SLC22A2: variants seen among roughly 807,000 people sequenced by gnomAD.
The protein encoded by SLC22A2 is solute carrier family 22 member 2.
A neutral mutation model predicts 60.5 loss-of-function variants in SLC22A2; 46 were observed. That is an observed-to-expected ratio of 0.76 (90% confidence interval 0.60 to 0.97). The LOEUF is 0.97. Among genes scored for constraint, SLC22A2 ranks in the 50% least tolerant of loss-of-function variants. The pLI is 0.00. For missense variants in SLC22A2, 701 were observed against 706.6 expected (o/e 0.99, Z 0.09); for synonymous variants, 303 against 267.0 (o/e 1.13, Z -1.31).
intron 1 of SLC22A2, 80 bp downstream of exon 1, chr6:160,258,264 G>T: frequency 6.8e-7 from 1 of 1,470,988 alleles, no homozygotes; most frequent in Non-Finnish European, 9.1e-7. Flanking sequence ...GTTTATAAGA[G>T]CCGGGCCTTC....
chr6:160,218,199 C>A (rs1245834534), intron 10 of SLC22A2: 10 of 249,872 alleles, frequency 4.0e-5, no homozygotes, highest in Non-Finnish European at 5.6e-5. Context: ...CAGAAGCTTA[C>A]CCAAATCACC....
intron 8 of SLC22A2, 57 bp downstream of exon 8, chr6:160,242,230 GGTGGTTC>G (rs764295067): frequency 2.1e-4 from 188 of 883,846 alleles, no homozygotes; most frequent in African/African-American, 1.3e-3. Context: ...CTGCACTTGT[GGTGGTTC>G]CAGCCAATGA....
chr6:160,241,532 C>A lies in SLC22A2; in HGVS notation c.1443G>T (p.Thr481=), dbSNP rs530891966. The A allele has an allele frequency of 5.0e-6, 8 of 1,613,518 alleles. No homozygotes were observed. Among genetic ancestry groups the A allele is most frequent in the Non-Finnish European group, 5.9e-6 (7 of 1,179,696 alleles). Residue 481 remains threonine (T), a synonymous_variant, in exon 9 of 11, where the codon ACG becomes ACT. Transcript: ENST00000366953. ...SSMCDIGGII[T]PFLVYRLTNI... ...TAGTGAGCCGGTAGACCAGGAATGG[C>A]GTGATGATGCCACCAATGTCACACA...
chr6:160,244,449 A>G (rs1238010619), intron 6 of SLC22A2: 1 of 152,220 alleles, frequency 6.6e-6, no homozygotes, highest in Non-Finnish European at 1.5e-5. Context: ...TCTTTGGGGT[A>G]TTCTAGTGCA....
chr6:160,245,629 C>CT, intron 5 of SLC22A2, 84 bp from the exon 6 acceptor site: 1 of 563,384 alleles, frequency 1.8e-6, no homozygotes, highest in Non-Finnish European at 2.8e-6. Flanking sequence ...TAATTTCTTA[C>CT]CGTCCTGAGC....
At chr6:160,233,228 G>C (rs1451747749) in intron 9 of SLC22A2, among the ~76,000 whole-genome samples, 2 of 151,924 alleles carry the variant, frequency 1.3e-5, no homozygotes, top group African/African-American at 4.9e-5. Context: ...GATGGGTAGA[G>C]GCCTTTTCCA....
At chr6:160,257,924 TCA>T (rs1315203914) in intron 1 of SLC22A2, 1 of 165,472 alleles carries the variant, frequency 6.0e-6, no homozygotes, top group African/African-American at 2.4e-5. Context: ...GCACATCCTA[TCA>T]CACAGTCAGG....
intron 9 of SLC22A2, among the ~76,000 whole-genome samples, chr6:160,234,568 G>T (rs1263262695): frequency 6.6e-6 from 1 of 152,076 alleles, no homozygotes; most frequent in Admixed American, 6.6e-5. Context: ...CAGGGTAACT[G>T]TCTGCTCTTT....
chr6:160,241,498 G>C lies in SLC22A2; in HGVS notation c.1477C>G (p.Leu493Val), dbSNP rs760282403. 3.1e-6 allele frequency: 5 copies of C among 1,612,930 alleles called. No homozygotes were observed. In the Admixed American group the frequency reaches 8.3e-5, roughly 27 times the overall value. The part of the protein sequence containing the change: ...FLVYRLTNIW[L>V]ELPLMVFGVL... ...CCGAAAACCATCAGCGGGAGCTCAA[G>C]CCAGATGTTAGTGAGCCGGTAGACC... The change falls in exon 9 of 11, where the codon CTT becomes GTT. Residue 493 changes from leucine (L) to valine (V), a missense_variant. Coordinates refer to ENST00000366953, the MANE Select transcript of SLC22A2 (RefSeq NM_003058.4).
At chr6:160,238,073 T>G (rs1782939051) in intron 9 of SLC22A2, among the ~76,000 whole-genome samples, 1 of 152,250 alleles carries the variant, frequency 6.6e-6, no homozygotes, top group Non-Finnish European at 1.5e-5. Context: ...AGGGCTGCCC[T>G]GCCTATGGAG....
chr6:160,255,198 G>A (rs533478039), intron 2 of SLC22A2, among the ~76,000 whole-genome samples: 1 of 152,356 alleles, frequency 6.6e-6, no homozygotes, highest in East Asian at 1.9e-4. Context: ...GAAAGCCCCA[G>A]GAAGAGCCTT....
intron 6 of SLC22A2, 125 bp downstream of exon 6, chr6:160,245,314 A>G: frequency 1.8e-6 from 1 of 551,372 alleles, no homozygotes; most frequent in Non-Finnish European, 3.2e-6. Flanking sequence ...ACCAGACACA[A>G]CCCACATTGC....
intron 10 of SLC22A2, among the ~76,000 whole-genome samples, chr6:160,224,291 A>ATT (rs10666190): frequency 0.69 from 102,982 of 148,340 alleles, 37,307 homozygotes; most frequent in Admixed American, 0.81. Context: ...CAAATCTGTT[A>ATT]TTTTTTTTTT....
intron 10 of SLC22A2, 45 bp from the exon 11 acceptor site, chr6:160,217,543 G>A (rs1235849249): frequency 8.9e-7 from 1 of 1,120,128 alleles, no homozygotes; most frequent in South Asian, 1.3e-5. Context: ...GAAATTATGA[G>A]GAGGCTGAAA....
chr6:160,225,576 CT>C (rs1483551063), intron 9 of SLC22A2, among the ~76,000 whole-genome samples: 2 of 152,148 alleles, frequency 1.3e-5, no homozygotes, highest in African/African-American at 4.8e-5. Flanking sequence ...ACTCTGGCCC[CT>C]TACATACTGG....
Position 160,246,161 on chromosome 6 carries a change from C to T in SLC22A2, c.958-616G>A, listed in dbSNP as rs1001883748. On this transcript the variant is annotated intron_variant, in intron 5 of 10. Coordinates refer to ENST00000366953, the MANE Select transcript of SLC22A2 (RefSeq NM_003058.4). ...GATTACAGGCATGAGCCACTGCGCC[C>T]GACCAATTTTTGTATTTTTAGTAGA... Among the ~76,000 whole-genome samples, 13 of 151,802 alleles carry T rather than the reference C, an allele frequency of 8.6e-5. No individual in the cohort carries two copies. In the East Asian group the frequency reaches 1.2e-3, roughly 14 times the overall value.
chr6:160,243,252 G>A (rs942860316), intron 7 of SLC22A2, among the ~76,000 whole-genome samples: 1 of 152,132 alleles, frequency 6.6e-6, no homozygotes. Context: ...TTAACACCCA[G>A]GAAGGGCTGG....
chr6:160,230,171 C>T (rs1356978821), intron 9 of SLC22A2, among the ~76,000 whole-genome samples: 1 of 151,948 alleles, frequency 6.6e-6, no homozygotes, highest in African/African-American at 2.4e-5. Flanking sequence ...CCAATTCTTC[C>T]TCAGCCTCTA....
chr6:160,258,642 C>A lies in SLC22A2; in HGVS notation c.116G>T (p.Gly39Val). Residue 39 changes from glycine to valine, a missense_variant, in exon 1 of 11, where the codon GGC becomes GTC. Transcript: ENST00000366953. ...AGGGGTGAAGCCCAGGAAGACGATG[C>A]CCACGTAGATGGGCGCGAAGGTAGC... ...LSATFAPIYV[G>V]IVFLGFTPDH... 6.2e-7 allele frequency: 1 copy of A among 1,613,798 alleles called. No homozygotes were observed. Among genetic ancestry groups the A allele is most frequent in the South Asian group, 1.1e-5 (1 of 91,050 alleles).
Sources: gnomAD v4.1 joint callset for allele counts (sites outside exome capture counted in the v4.1 genomes callset) on GRCh38, gnomAD v4.1.1 for gene constraint, MANE v1.5 for transcripts, NCBI Gene and HGNC (gene_info 2026-07-23, HGNC 2026-07-21) for gene names.